The following CACNA1E variants were observed in gnomAD, a reference collection of about 807,000 sequenced individuals.
The protein encoded by CACNA1E is calcium voltage-gated channel subunit alpha1 E.
A neutral mutation model predicts 259.2 loss-of-function variants in CACNA1E; 40 were observed. The ratio of observed to expected loss-of-function variants is 0.15; its 90% confidence interval spans 0.12 to 0.20. The LOEUF (loss-of-function observed/expected upper bound fraction) is 0.20, where lower values mean the gene tolerates loss of function less well. CACNA1E is among the 10% of genes least tolerant of loss of function. The pLI is 1.00. For missense variants in CACNA1E, 1,874 were observed against 3,040.1 expected (o/e 0.62, Z 9.02); for synonymous variants, 1,104 against 1,138.5 (o/e 0.97, Z 0.61).
Position 181,603,125 on chromosome 1 carries a change from C to T in CACNA1E, c.951+22349C>T, listed in dbSNP as rs150414232. On this transcript the variant is annotated intron_variant, in intron 6 of 47. Coordinates refer to ENST00000367573, the MANE Select transcript of CACNA1E (RefSeq NM_001205293.3). ...TACTGGCCTTAAGAATTGGAAGGCC[C>T]CTTGCTTATATCCTTGGGGATATTT... is the stretch of plus-strand genomic sequence containing the variant. Among the ~76,000 whole-genome samples, 411 of 152,170 alleles carry T rather than the reference C, an allele frequency of 2.7e-3. 2 individuals carry two copies. The highest frequency in any genetic ancestry group is 4.7e-3 in the Non-Finnish European group (320 of 68,002).
At chr1:181,656,043 C>T (rs950864189) in intron 7 of CACNA1E, among the ~76,000 whole-genome samples, 11 of 152,174 alleles carry the variant, frequency 7.2e-5, no homozygotes, top group Non-Finnish European at 1.3e-4. Context: ...TAAAAAAACC[C>T]TGAATTGTCC....
intron 1 of CACNA1E, among the ~76,000 whole-genome samples, chr1:181,353,415 G>A (rs558054935): frequency 6.6e-6 from 1 of 152,316 alleles, no homozygotes; most frequent in East Asian, 1.9e-4. Context: ...AGTCAAGGGT[G>A]GCTTTCTGGA....
At chr1:181,721,918 T>C in intron 16 of CACNA1E, 43 bp downstream of exon 16, 1 of 1,269,452 alleles carries the variant, frequency 7.9e-7, no homozygotes, top group Non-Finnish European at 1.2e-6. Context: ...CCTGCCTTCC[T>C]GGACCAGCAT....
chr1:181,738,525 C>A, intron 24 of CACNA1E, 99 bp downstream of exon 24: 1 of 905,630 alleles, frequency 1.1e-6, no homozygotes, highest in Non-Finnish European at 1.8e-6. Context: ...ACCTACCAGC[C>A]AATGGCAGCC....
chr1:181,678,373 TC>T (rs1649582944), intron 7 of CACNA1E, among the ~76,000 whole-genome samples: 1 of 152,198 alleles, frequency 6.6e-6, no homozygotes, highest in Non-Finnish European at 1.5e-5. Flanking sequence ...AGAAACAAAG[TC>T]ACCATTCACC....
intron 30 of CACNA1E, 130 bp downstream of exon 30, chr1:181,757,256 A>T: frequency 1.5e-6 from 1 of 668,632 alleles, no homozygotes; most frequent in Non-Finnish European, 2.6e-6. Flanking sequence ...TGGGAAAAGT[A>T]ACTATTCAGC....
rs781352248 is a variant in CACNA1E at position 181,756,906 on chromosome 1, T to A, written c.4128-19T>A. The A allele has an allele frequency of 1.3e-6, 2 of 1,573,586 alleles. No homozygotes were observed. Among genetic ancestry groups the A allele is most frequent in the South Asian group, 1.1e-5 (1 of 90,306 alleles). ...AGACTGTCATCCACCATCTGTGCCC[T>A]CTTGTTCTGTCCCCATAGAGTTCTG... On this transcript the variant is annotated intron_variant, in intron 29 of 47. Transcript: ENST00000367573.
intron 7 of CACNA1E, among the ~76,000 whole-genome samples, chr1:181,696,177 C>G (rs1381967933): frequency 6.6e-6 from 1 of 150,894 alleles, no homozygotes; most frequent in Non-Finnish European, 1.5e-5. Flanking sequence ...TGAATATAAA[C>G]AAGACACAGA....
intron 12 of CACNA1E, among the ~76,000 whole-genome samples, chr1:181,718,623 C>G (rs571201610): frequency 1.4e-5 from 2 of 139,068 alleles, no homozygotes; most frequent in East Asian, 4.0e-4. Flanking sequence ...CACACACACA[C>G]ACACACACAC....
At chr1:181,492,656 G>C (rs1664414670) in intron 1 of CACNA1E, among the ~76,000 whole-genome samples, 1 of 152,204 alleles carries the variant, frequency 6.6e-6, no homozygotes, top group Admixed American at 6.5e-5. Flanking sequence ...GGGTGTGTTT[G>C]TTTCTGTAGG....
intron 3 of CACNA1E, among the ~76,000 whole-genome samples, chr1:181,569,416 A>C (rs1650181445): frequency 6.6e-6 from 1 of 152,174 alleles, no homozygotes; most frequent in Non-Finnish European, 1.5e-5. Context: ...CTCTTCCCTC[A>C]GATATATTTC....
intron 1 of CACNA1E, among the ~76,000 whole-genome samples, chr1:181,352,173 G>C (rs1653089450): frequency 6.6e-6 from 1 of 152,218 alleles, no homozygotes; most frequent in Admixed American, 6.5e-5. Context: ...CCCAGGAGAG[G>C]ATTTGATCAG....
chr1:181,636,870 C>T (rs1031465711), intron 6 of CACNA1E, among the ~76,000 whole-genome samples: 9 of 152,318 alleles, frequency 5.9e-5, no homozygotes, highest in African/African-American at 1.4e-4. Flanking sequence ...CCAAATGCCA[C>T]GGGGCTGGTG....
intron 7 of CACNA1E, among the ~76,000 whole-genome samples, chr1:181,657,440 G>A (rs1659297819): frequency 6.6e-6 from 1 of 152,190 alleles, no homozygotes; most frequent in South Asian, 2.1e-4. Context: ...AGGTAAAAGA[G>A]TTGAAAGTGG....
At chr1:181,435,439 C>T (rs1341561696) in intron 2 of CACNA1E, among the ~76,000 whole-genome samples, 2 of 152,344 alleles carry the variant, frequency 1.3e-5, no homozygotes, top group East Asian at 3.9e-4. Flanking sequence ...TACTCTTACT[C>T]ACACTTAGCT....
chr1:181,598,588 T>C (rs540926864), intron 6 of CACNA1E, among the ~76,000 whole-genome samples: 1 of 152,276 alleles, frequency 6.6e-6, no homozygotes, highest in Non-Finnish European at 1.5e-5. Context: ...GATAAAGGAC[T>C]GAGTGTCCAT....
chr1:181,553,205 G>C (rs1258712729), intron 3 of CACNA1E, among the ~76,000 whole-genome samples: 1 of 152,288 alleles, frequency 6.6e-6, no homozygotes, highest in East Asian at 1.9e-4. Flanking sequence ...TCTCCTTGAA[G>C]AGGTCCTTCA....
Position 181,703,358 on chromosome 1 carries a change from G to T in CACNA1E, c.1056-7596G>T, listed in dbSNP as rs1374139196. 2.0e-5 allele frequency among the ~76,000 whole-genome samples: 3 copies of T among 152,134 alleles called. No homozygotes were observed. In the East Asian group the frequency reaches 5.8e-4, roughly 29 times the overall value. Reference sequence around the variant, plus strand: ...CATTATTCCTAATTTTATGAATGAGGAAACTAAGATTTAGTTTAAGAACTT... The same window carrying T: ...CATTATTCCTAATTTTATGAATGAGTAAACTAAGATTTAGTTTAAGAACTT... On this transcript the variant is annotated intron_variant, in intron 7 of 47. Coordinates refer to ENST00000367573, the MANE Select transcript of CACNA1E (RefSeq NM_001205293.3).
intron 3 of CACNA1E, among the ~76,000 whole-genome samples, chr1:181,512,610 G>A (rs1382053261): frequency 1.3e-5 from 2 of 152,198 alleles, no homozygotes; most frequent in Non-Finnish European, 2.9e-5. Flanking sequence ...TTGTCATGTG[G>A]AATAGACAAA....
Sources: gnomAD v4.1 joint callset for allele counts (sites outside exome capture counted in the v4.1 genomes callset) on GRCh38, gnomAD v4.1.1 for gene constraint, MANE v1.5 for transcripts, NCBI Gene and HGNC (gene_info 2026-07-23, HGNC 2026-07-21) for gene names.